The following UBE2Q2 variants were observed in gnomAD, a reference collection of about 807,000 sequenced individuals.
UBE2Q2 encodes the protein ubiquitin-conjugating enzyme E2 Q2.
UBE2Q2 carries 54 observed loss-of-function variants against 59.9 expected under a neutral mutation model. The ratio of observed to expected loss-of-function variants is 0.90; its 90% CI spans 0.72 to 1.13. The LOEUF is 1.13. Ranked by LOEUF, UBE2Q2 falls within the 50% of genes most tolerant of loss-of-function variation. The pLI is 0.00. For missense variants in UBE2Q2, 433 were observed against 441.9 expected, an observed-to-expected ratio of 0.98 and a Z score of 0.18; for synonymous variants, 165 against 155.2, an observed-to-expected ratio of 1.06 and a Z score of -0.47.
At chr15:75,877,938 T>C in intron 6 of UBE2Q2, 23 bp from the exon 7 acceptor site, 1 of 1,604,206 alleles carries the variant, frequency 6.2e-7, no homozygotes, top group Non-Finnish European at 8.5e-7. Flanking sequence ...GAAGAGTAGC[T>C]AACATGCTCT....
At chr15:75,892,867 C>G (rs1899180338) in intron 11 of UBE2Q2, among the ~76,000 whole-genome samples, 1 of 151,962 alleles carries the variant, frequency 6.6e-6, no homozygotes, top group Non-Finnish European at 1.5e-5. Context: ...GACTCTGTCT[C>G]AAAATAAAAA....
In UBE2Q2 at chr15:75,873,512, G is replaced by T; in HGVS notation, c.532G>T (p.Glu178Ter). Residue 178 changes from glutamate (E) to a stop codon, truncating the protein, a stop_gained, in exon 5 of 13, where the codon GAA (glutamate) becomes TAA (stop). Transcript: ENST00000267938. LOFTEE classifies it high-confidence loss of function. ...GTCAGAGGATGAAGGAATTGAAAAA[G>T]AAAATTTGGCAATATTAGAGAAAAT... ...KKSEDEGIEK[E>*]NLAILEKIRK... The T allele has an allele frequency of 6.2e-7, 1 of 1,613,826 alleles. No homozygotes were observed. The highest frequency in any genetic ancestry group is 8.5e-7 in the Non-Finnish European group (1 of 1,179,878).
intron 11 of UBE2Q2, among the ~76,000 whole-genome samples, chr15:75,896,351 T>C (rs2141681252): frequency 6.6e-6 from 1 of 152,352 alleles, no homozygotes; most frequent in Middle Eastern, 3.4e-3. Context: ...TGCCACATAA[T>C]ATAGTGGATA....
rs1261333745 is a variant in UBE2Q2, at chr15:75,899,607, A to G, written c.*149A>G. ...GTGGATAATCTGTCATCTGACATCC[A>G]GTATAAGTTACAGCCTTTGCATTTT... On this transcript the variant is annotated 3_prime_UTR_variant, in exon 13 of 13. Coordinates refer to ENST00000267938, the MANE Select transcript of UBE2Q2 (RefSeq NM_173469.4). 5.0e-6 allele frequency: 3 copies of G among 595,648 alleles called. No individual in the cohort carries two copies. The East Asian group carries it at 1.1e-4, about 22-fold the overall frequency. The allele number at this position is 595,648 out of a possible 1,614,324, so 36.9% of individuals were successfully genotyped here. A position where few individuals can be genotyped will look rare whatever the true frequency, so the allele number is the denominator to read the frequency against.
chr15:75,854,622 GT>G, intron 2 of UBE2Q2, 135 bp downstream of exon 2: 7 of 537,904 alleles, frequency 1.3e-5, no homozygotes, highest in Non-Finnish European at 1.8e-5. Context: ...TAGTTTGTTT[GT>G]TTTTTTTCCT....
At chr15:75,871,421 GA>G (rs1219027939) in intron 4 of UBE2Q2, among the ~76,000 whole-genome samples, 1 of 152,182 alleles carries the variant, frequency 6.6e-6, no homozygotes, top group Non-Finnish European at 1.5e-5. Context: ...CAGGCTGGGG[GA>G]CGGTCAGGTC....
In UBE2Q2 at chr15:75,874,286, CTT is replaced by C. The variant is rs112714715; in HGVS notation, c.588+733_588+734del. 4.7e-3 allele frequency among the ~76,000 whole-genome samples: 651 copies of C among 139,692 alleles called. 3 individuals carry two copies. Among genetic ancestry groups the C allele is most frequent in the African/African-American group, 0.014 (551 of 38,580 alleles). 91.6% of individuals were successfully genotyped at this position (139,692 alleles called of 152,430 possible). On this transcript the variant is annotated intron_variant, in intron 5 of 12. Coordinates refer to ENST00000267938, the MANE Select transcript of UBE2Q2 (RefSeq NM_173469.4). ...AATTTTTCTCTTTTGACTTAACATCCTTTTTTTTTTTTTTTTGGATGAAGTTA... is the reference window on the plus strand; with the variant it reads ...AATTTTTCTCTTTTGACTTAACATCCTTTTTTTTTTTTTTGGATGAAGTTA...
intron 3 of UBE2Q2, among the ~76,000 whole-genome samples, chr15:75,865,225 T>C (rs936080760): frequency 6.6e-6 from 1 of 152,276 alleles, no homozygotes; most frequent in African/African-American, 2.4e-5. Flanking sequence ...TTACCACTTA[T>C]GTATGCATCC....
At chr15:75,864,044 G>A (rs898833635) in intron 3 of UBE2Q2, among the ~76,000 whole-genome samples, 1 of 152,116 alleles carries the variant, frequency 6.6e-6, no homozygotes, top group African/African-American at 2.4e-5. Flanking sequence ...TTGTGCCCAC[G>A]ATTCTGTATA....
rs561389899 is a variant in UBE2Q2 at position 75,877,037 on chromosome 15, G to A, written c.673+766G>A. ...TAGCCGGGTGTGGTGGCGCACGCCT[G>A]GTGATCCGAGCTACTCAGTGGTCTG... On this transcript the variant is annotated intron_variant, in intron 6 of 12. Coordinates refer to ENST00000267938, the MANE Select transcript of UBE2Q2 (RefSeq NM_173469.4). Among the ~76,000 whole-genome samples, 11 of 151,854 alleles carry A rather than the reference G, an allele frequency of 7.2e-5. No homozygotes were observed. The South Asian group carries it at 2.3e-3, about 32-fold the overall frequency.
At chr15:75,847,009 T>C (rs1217567632) in intron 1 of UBE2Q2, among the ~76,000 whole-genome samples, 1 of 152,226 alleles carries the variant, frequency 6.6e-6, no homozygotes, top group African/African-American at 2.4e-5. Context: ...TTCTGGGTCA[T>C]ATTTAGTTCA....
rs1032500652 is a variant in UBE2Q2 at position 75,890,903 on chromosome 15, C to T, written c.934-16C>T. 4.4e-6 allele frequency: 7 copies of T among 1,608,380 alleles called. No homozygotes were observed. In the South Asian group the frequency reaches 5.5e-5, roughly 13 times the overall value. On this transcript the variant is annotated splice_polypyrimidine_tract_variant and intron_variant, in intron 10 of 12. Transcript: ENST00000267938. Reference sequence around the variant, plus strand: ...GAAATACTACTGTATTTTAGAGATACTTTGTTCTTCTGTAGGGCTGGAGCA... The same window carrying T: ...GAAATACTACTGTATTTTAGAGATATTTTGTTCTTCTGTAGGGCTGGAGCA...
Position 75,843,627 on chromosome 15 carries a change from G to A in UBE2Q2, c.-40G>A, listed in dbSNP as rs376956847. 8.9e-5 allele frequency: 137 copies of A among 1,544,950 alleles called. 1 individual carries two copies. The highest frequency in any genetic ancestry group is 6.0e-5 in the Non-Finnish European group (69 of 1,148,564). On this transcript the variant is annotated 5_prime_UTR_variant, in exon 1 of 13. Coordinates refer to ENST00000267938, the MANE Select transcript of UBE2Q2 (RefSeq NM_173469.4). ...GGGCCCGGCTCCCCTTCCGCGCCCG[G>A]CTCCCCTTCCGCGCCCCTCCCGCCG...
chr15:75,865,583 A>G (rs1296400844), intron 3 of UBE2Q2, among the ~76,000 whole-genome samples: 3 of 149,850 alleles, frequency 2.0e-5, no homozygotes, highest in East Asian at 1.9e-4. Context: ...GTTATCTAGG[A>G]AAAAAAAAAC....
At chr15:75,875,918 T>A (rs1408972831) in intron 5 of UBE2Q2, among the ~76,000 whole-genome samples, 1 of 151,764 alleles carries the variant, frequency 6.6e-6, no homozygotes, top group Non-Finnish European at 1.5e-5. Context: ...ATACAAAATT[T>A]AGCTGGGCGT....
Position 75,860,449 on chromosome 15 carries a change from A to AT in UBE2Q2, c.387+477dup, listed in dbSNP as rs35234468. Among the ~76,000 whole-genome samples the AT allele has an allele frequency of 1.4e-3, 202 of 149,610 alleles. 1 individual carries two copies. Among genetic ancestry groups the AT allele is most frequent in the East Asian group, 7.8e-4 (4 of 5,124 alleles). On this transcript the variant is annotated intron_variant, in intron 3 of 12. Coordinates refer to ENST00000267938, the MANE Select transcript of UBE2Q2 (RefSeq NM_173469.4). The stretch of plus-strand genomic sequence containing the variant: ...GCATCTAAATATTTATTACCTATTT[A>AT]TTTTTTTTTTACTATAATACATGAT...
chr15:75,868,198 T>C (rs939064097), intron 3 of UBE2Q2, among the ~76,000 whole-genome samples: 1 of 152,202 alleles, frequency 6.6e-6, no homozygotes, highest in African/African-American at 2.4e-5. Context: ...CTTTTACATA[T>C]TCTGTGTTCT....
At chr15:75,878,428 CA>C (rs1555422440) in intron 7 of UBE2Q2, 65 of 15,940 alleles carry the variant, frequency 4.1e-3, no homozygotes, top group East Asian at 0.015. Context: ...TTCATCTCTA[CA>C]AAAAAAAAAA....
rs1319700071 is a variant in UBE2Q2 at position 75,900,822 on chromosome 15, T to A, written c.*1364T>A. Reference sequence around the variant, plus strand: ...GATTGCCAGTTGCTCAGATAACAAGTGACAAGGCAGAATTCTTTAAATCAG... The same window carrying A: ...GATTGCCAGTTGCTCAGATAACAAGAGACAAGGCAGAATTCTTTAAATCAG... On this transcript the variant is annotated 3_prime_UTR_variant, in exon 13 of 13. Coordinates refer to ENST00000267938, the MANE Select transcript of UBE2Q2 (RefSeq NM_173469.4). 2 of 152,652 alleles carry A rather than the reference T, an allele frequency of 1.3e-5. No individual in the cohort carries two copies. Among genetic ancestry groups the A allele is most frequent in the African/African-American group, 4.8e-5 (2 of 41,474 alleles). The allele number at this position is 152,652 out of a possible 1,614,324, so 9.5% of individuals were successfully genotyped here.
Sources: gnomAD v4.1 joint callset for allele counts (sites outside exome capture counted in the v4.1 genomes callset) on GRCh38, gnomAD v4.1.1 for gene constraint, MANE v1.5 for transcripts, NCBI Gene and HGNC (gene_info 2026-07-23, HGNC 2026-07-21) for gene names.